The following NID2 variants were observed in gnomAD, a reference collection of about 807,000 sequenced individuals.
NID2 encodes nidogen-2.
NID2 carries 83 observed loss-of-function variants against 145.4 expected under a neutral mutation model. That is an observed-to-expected ratio of 0.57 (90% CI 0.48 to 0.69). The LOEUF is 0.69. Among genes scored for constraint, NID2 ranks in the 30% least tolerant of loss-of-function variants. The probability of loss-of-function intolerance (pLI) is 0.00; values close to 1 mark genes in which losing one functional copy is unlikely to be tolerated. For synonymous variants in NID2, 739 were observed against 701.3 expected, an observed-to-expected ratio of 1.05 and a Z score of -0.85; for missense variants, 1,807 against 1,765.7, an observed-to-expected ratio of 1.02 and a Z score of -0.42.
At chr14:52,018,926 T>TTA (rs1307156883) in intron 14 of NID2, 135 bp downstream of exon 14, 2 of 644,338 alleles carry the variant, frequency 3.1e-6, no homozygotes, top group African/African-American at 3.6e-5. Flanking sequence ...GTACGCACTA[T>TTA]TATTCAAGTC....
At chr14:52,016,033 G>A (rs1022459973) in intron 14 of NID2, among the ~76,000 whole-genome samples, 2 of 152,042 alleles carry the variant, frequency 1.3e-5, no homozygotes, top group African/African-American at 4.8e-5. Flanking sequence ...GCTTCCTGCC[G>A]TGTTGCCCTT....
intron 9 of NID2, among the ~76,000 whole-genome samples, chr14:52,035,325 A>G (rs1892017427): frequency 6.6e-6 from 1 of 152,138 alleles, no homozygotes; most frequent in African/African-American, 2.4e-5. Context: ...TACTGTCTCT[A>G]TAGTGTAACC....
chr14:52,068,016 C>G lies in NID2; in HGVS notation c.376G>C (p.Glu126Gln), dbSNP rs951418674. The G allele has an allele frequency of 1.5e-5, 25 of 1,613,012 alleles. No individual in the cohort carries two copies. Among genetic ancestry groups the G allele is most frequent in the Non-Finnish European group, 2.0e-5 (23 of 1,179,430 alleles). ...SHGRGRVLYR[E>Q]DTSPAVLGLA... ...CCCAGCACTGCGGGGGAGGTGTCCT[C>G]TCGGTACAGGACTCGGCCTCTGCCG... The change falls in exon 2 of 22, where the codon GAG becomes CAG. Residue 126 changes from glutamate to glutamine, a missense_variant. By Grantham distance (29) the Glu-to-Gln change is conservative. Transcript: ENST00000216286.
At chr14:52,009,436 TTC>T (rs1174222517) in intron 18 of NID2, 1 of 152,236 alleles carries the variant, frequency 6.6e-6, no homozygotes, top group East Asian at 1.9e-4. Context: ...TTGACAACCA[TTC>T]TGTTACGCAG....
In NID2 at chr14:52,028,761, T is replaced by G. The variant is rs1439333382; in HGVS notation, c.2491A>C (p.Ser831Arg). 6.2e-7 allele frequency: 1 copy of G among 1,613,874 alleles called. No homozygotes were observed. Among genetic ancestry groups the G allele is most frequent in the African/African-American group, 1.3e-5 (1 of 74,864 alleles). The change falls in exon 11 of 22, where the codon AGT becomes CGT. Residue 831 changes from serine (S) to arginine (R), a missense_variant. Ser to Arg is a moderately radical substitution (Grantham distance 110). Coordinates refer to ENST00000216286, the MANE Select transcript of NID2 (RefSeq NM_007361.4). The part of the protein sequence containing the change: ...LPGSYRCECR[S>R]GYEFADDRHT... ...CGGTCATCTGCAAACTCATAACCAC[T>G]CCGGCACTCACACCTGTAGCTTCCA...
chr14:52,010,912 A>C lies in NID2; in HGVS notation c.3686T>G (p.Val1229Gly). 4 of 1,613,822 alleles carry C rather than the reference A, an allele frequency of 2.5e-6. No homozygotes were observed. Among genetic ancestry groups the C allele is most frequent in the Non-Finnish European group, 3.4e-6 (4 of 1,180,040 alleles). The change falls in exon 18 of 22, where the codon GTG becomes GGG. Residue 1229 changes from valine to glycine, a missense_variant. Transcript: ENST00000216286. The part of the protein sequence containing the change: ...ERKVLFYTDL[V>G]NPRAIAVDPI... ...ATCCACAGCGATGGCACGGGGATTC[A>C]CCAGATCTGTGTAGAAGAGGACCTT...
At chr14:52,059,457 A>G (rs1220048673) in intron 3 of NID2, among the ~76,000 whole-genome samples, 2 of 152,154 alleles carry the variant, frequency 1.3e-5, no homozygotes, top group African/African-American at 4.8e-5. Context: ...ACACCCCCCA[A>G]AAAACCCTGA....
At chr14:52,042,993 G>A (rs572797293) in intron 5 of NID2, 62 bp from the exon 6 acceptor site, 36 of 1,522,310 alleles carry the variant, frequency 2.4e-5, no homozygotes, top group African/African-American at 1.2e-4. Flanking sequence ...CTGCTGCATC[G>A]GGGACACAAC....
At chr14:52,033,963 C>T (rs1891967987) in intron 9 of NID2, among the ~76,000 whole-genome samples, 1 of 152,118 alleles carries the variant, frequency 6.6e-6, no homozygotes, top group Non-Finnish European at 1.5e-5. Flanking sequence ...CAAATTACTT[C>T]ATTTCTATAC....
intron 17 of NID2, 86 bp from the exon 18 acceptor site, chr14:52,011,133 G>C: frequency 7.6e-7 from 1 of 1,318,056 alleles, no homozygotes; most frequent in Non-Finnish European, 1.1e-6. Context: ...GTGGGCAGGG[G>C]GGTCAGCAGG....
chr14:52,023,214 C>T (rs1292858626), intron 12 of NID2, among the ~76,000 whole-genome samples: 2 of 152,100 alleles, frequency 1.3e-5, no homozygotes, highest in Non-Finnish European at 1.5e-5. Flanking sequence ...TGGTGGCTGA[C>T]GCCTGTAATC....
At chr14:52,011,418 T>C (rs940307462) in intron 17 of NID2, 136 bp downstream of exon 17, 7 of 1,057,482 alleles carry the variant, frequency 6.6e-6, no homozygotes, top group Admixed American at 2.1e-5. Flanking sequence ...GCTAGTCTTA[T>C]ACAGCTCAAT....
At chr14:52,008,676 C>G (rs1890888653) in intron 18 of NID2, 1 of 152,210 alleles carries the variant, frequency 6.6e-6, no homozygotes, top group African/African-American at 2.4e-5. Context: ...CCCCAAAACC[C>G]TCCGTTTGTT....
Position 52,020,053 on chromosome 14 carries a change from A to T in NID2, c.2794+6T>A, listed in dbSNP as rs755665790. The T allele has an allele frequency of 3.7e-6, 6 of 1,613,724 alleles. No individual in the cohort carries two copies. The Middle Eastern group carries it at 8.3e-4, about 222-fold the overall frequency. On this transcript the variant is annotated splice_donor_region_variant and intron_variant, in intron 13 of 21. Coordinates refer to ENST00000216286, the MANE Select transcript of NID2 (RefSeq NM_007361.4). ...CATGTGCCTAATCTGGCCCTCTGAA[A>T]CTTACCAGGTATGCACTGAAATCCA...
intron 9 of NID2, among the ~76,000 whole-genome samples, chr14:52,030,654 G>A (rs987859247): frequency 1.3e-5 from 2 of 150,688 alleles, no homozygotes; most frequent in African/African-American, 4.9e-5. Flanking sequence ...AAAAGAGAAA[G>A]AAAGAAAGAA....
chr14:52,043,182 G>A (rs1033140002), intron 5 of NID2, among the ~76,000 whole-genome samples: 1 of 152,180 alleles, frequency 6.6e-6, no homozygotes, highest in Non-Finnish European at 1.5e-5. Context: ...GCACCCGTGG[G>A]TTTGAGTGCA....
At chr14:52,024,765 A>T (rs1891527864) in intron 12 of NID2, among the ~76,000 whole-genome samples, 1 of 152,200 alleles carries the variant, frequency 6.6e-6, no homozygotes, top group East Asian at 1.9e-4. Flanking sequence ...GACAATTGAA[A>T]ATGACAAAAA....
chr14:52,031,041 G>A (rs1891848388), intron 9 of NID2, among the ~76,000 whole-genome samples: 1 of 152,200 alleles, frequency 6.6e-6, no homozygotes, highest in Non-Finnish European at 1.5e-5. Flanking sequence ...AGTCAGAAGA[G>A]GTGGATGGAG....
Position 52,018,698 on chromosome 14 carries a change from C to T in NID2, c.3028+363G>A, listed in dbSNP as rs551097935. Among the ~76,000 whole-genome samples, 85 of 152,334 alleles carry T rather than the reference C, an allele frequency of 5.6e-4. 3 individuals are homozygous for T. The South Asian group carries it at 0.012, about 22-fold the overall frequency. On this transcript the variant is annotated intron_variant, in intron 14 of 21. Coordinates refer to ENST00000216286, the MANE Select transcript of NID2 (RefSeq NM_007361.4). The stretch of plus-strand genomic sequence containing the variant: ...ATAGTTACATAGGAAAGCAGTTTTC[C>T]TTCTGGTCAAAACGCCAGTCTGGCC...
Sources: gnomAD v4.1 joint callset for allele counts (sites outside exome capture counted in the v4.1 genomes callset) on GRCh38, gnomAD v4.1.1 for gene constraint, MANE v1.5 for transcripts, NCBI Gene and HGNC (gene_info 2026-07-23, HGNC 2026-07-21) for gene names.